Variants in CCDC30 observed in about 807,000 individuals in gnomAD.
The protein encoded by CCDC30 is coiled-coil domain containing 30, also known as coiled-coil domain-containing protein 30.
In CCDC30, 70 loss-of-function variants were observed where a neutral mutation model predicts 100.2. The observed-to-expected ratio is 0.70, with a 90% CI of 0.58 to 0.85. The LOEUF (loss-of-function observed/expected upper bound fraction) is 0.85, where lower values mean the gene tolerates loss of function less well. CCDC30 is among the 40% of genes least tolerant of loss of function. The pLI is 0.00. For synonymous variants in CCDC30, 233 were observed against 269.5 expected (o/e 0.86, Z 1.33); for missense variants, 652 against 771.2 (o/e 0.85, Z 1.83).
intron 1 of CCDC30, chr1:42,464,167 T>C (rs1643494606): frequency 6.6e-6 from 1 of 152,192 alleles, no homozygotes; most frequent in Non-Finnish European, 1.5e-5. Context: ...CTTTGCACTA[T>C]GGCAACCTTT....
chr1:42,501,747 C>T (rs1027936861), intron 6 of CCDC30, among the ~76,000 whole-genome samples: 4 of 152,106 alleles, frequency 2.6e-5, no homozygotes, highest in African/African-American at 9.7e-5. Context: ...CTGGGTATCA[C>T]CAGCAGAGGC....
chr1:42,540,804 G>A (rs745369993), intron 6 of CCDC30, among the ~76,000 whole-genome samples: 43 of 152,062 alleles, frequency 2.8e-4, no homozygotes, highest in Admixed American at 1.6e-3. Flanking sequence ...CACAGTACAA[G>A]TCTCAAAATC....
chr1:42,610,980 T>G (rs1434565901), exon 11 of CCDC30: 1 of 1,568,776 alleles, frequency 6.4e-7, no homozygotes, highest in Admixed American at 1.7e-5. Flanking sequence ...TTTTTCAGCA[T>G]GTCAAAAGCA....
At chr1:42,557,407 A>G (rs1645391161) in intron 6 of CCDC30, among the ~76,000 whole-genome samples, 1 of 152,092 alleles carries the variant, frequency 6.6e-6, no homozygotes, top group South Asian at 2.1e-4. Context: ...TTACAGCTCC[A>G]GATGGACATT....
At chr1:42,608,367 G>A (rs72959634) in intron 10 of CCDC30, among the ~76,000 whole-genome samples, 6,454 of 152,242 alleles carry the variant, frequency 0.042, 441 homozygotes, top group African/African-American at 0.14. Context: ...GCAAGTGACA[G>A]GCACGGACAT....
At chr1:42,479,140 C>T (rs1474852672) in intron 1 of CCDC30, among the ~76,000 whole-genome samples, 2 of 152,100 alleles carry the variant, frequency 1.3e-5, no homozygotes, top group East Asian at 3.9e-4. Context: ...CTTTGGGAGG[C>T]CGAGTTGGGC....
chr1:42,611,197 A>G (rs1353906568), intron 11 of CCDC30, 107 bp downstream of exon 15: 17 of 584,044 alleles, frequency 2.9e-5, no homozygotes, highest in Non-Finnish European at 5.1e-5. Context: ...GCAACCTTTC[A>G]AGAGGGCCAT....
In CCDC30 at chr1:42,498,697, A is replaced by G. The variant is rs555039488; in HGVS notation, c.358-121A>G. On this transcript the variant is annotated intron_variant, in intron 5 of 16. Transcript: ENST00000668663. ...ATACCATTTTTTATTCTGTATACCT[A>G]TGTGTTGAAGATTTACAAGGAGAAT... 6 of 428,988 alleles carry G rather than the reference A, an allele frequency of 1.4e-5. No homozygotes were observed. In the East Asian group the frequency reaches 2.2e-4, roughly 15 times the overall value. The allele number at this position is 428,988 out of a possible 1,614,324, so 26.6% of individuals were successfully genotyped here.
chr1:42,563,765 T>C (rs1645546826), intron 6 of CCDC30, among the ~76,000 whole-genome samples: 1 of 151,800 alleles, frequency 6.6e-6, no homozygotes, highest in African/African-American at 2.4e-5. Context: ...TAATCCCAGC[T>C]ACTCAAGAGG....
chr1:42,605,563 C>G (rs927767683), intron 10 of CCDC30, among the ~76,000 whole-genome samples: 1 of 152,166 alleles, frequency 6.6e-6, no homozygotes, highest in South Asian at 2.1e-4. Context: ...ACTGTAGCCT[C>G]AACTGCCTGG....
chr1:42,644,918 C>T, intron 14 of CCDC30, 111 bp downstream of exon 18: 3 of 693,254 alleles, frequency 4.3e-6, no homozygotes, highest in Non-Finnish European at 2.5e-6. Context: ...GGGCTCTTGG[C>T]CTCATGGTAG....
At chr1:42,485,153 C>G (rs1014086296) in intron 3 of CCDC30, among the ~76,000 whole-genome samples, 1 of 152,072 alleles carries the variant, frequency 6.6e-6, no homozygotes, top group Non-Finnish European at 1.5e-5. Flanking sequence ...ATACAGGTCT[C>G]TACCTTACAC....
At chr1:42,457,484 C>T in the CCDC30 span, 2 of 738,922 alleles carry the variant, frequency 2.7e-6, no homozygotes, top group Non-Finnish European at 4.7e-6. Context: ...TAAGACACCG[C>T]CCTCCCTCAT....
chr1:42,483,708 TTTTA>T (rs1644001756), intron 3 of CCDC30, among the ~76,000 whole-genome samples: 1 of 152,178 alleles, frequency 6.6e-6, no homozygotes, highest in African/African-American at 2.4e-5. Flanking sequence ...TATTTTTCTA[TTTTA>T]TTTATTTGTG....
chr1:42,572,629 A>ATTTTTTATTTTTTTTT, intron 7 of CCDC30, among the ~76,000 whole-genome samples: 1 of 152,116 alleles, frequency 6.6e-6, no homozygotes, highest in South Asian at 2.1e-4. Context: ...TTGCTTATTT[A>ATTTTTTATTTTTTTTT]TTTTTGAGAT....
chr1:42,606,946 T>C (rs930465948), intron 10 of CCDC30, among the ~76,000 whole-genome samples: 27 of 152,328 alleles, frequency 1.8e-4, no homozygotes, highest in African/African-American at 6.5e-4. Context: ...GTAAAAACCA[T>C]GCACTTTTTG....
intron 15 of CCDC30, among the ~76,000 whole-genome samples, chr1:42,650,212 G>A (rs1648211472): frequency 6.6e-6 from 1 of 152,152 alleles, no homozygotes; most frequent in South Asian, 2.1e-4. Flanking sequence ...GTTGGGCACG[G>A]TGGCTCAGGC....
intron 7 of CCDC30, among the ~76,000 whole-genome samples, chr1:42,567,187 G>T (rs552636622): frequency 6.6e-6 from 1 of 151,428 alleles, no homozygotes; most frequent in African/African-American, 2.4e-5. Flanking sequence ...TGGTGCAGGG[G>T]TCAGCAAACT....
intron 7 of CCDC30, among the ~76,000 whole-genome samples, chr1:42,574,984 A>T (rs1645803883): frequency 2.0e-5 from 3 of 152,184 alleles, no homozygotes; most frequent in Admixed American, 6.6e-5. Flanking sequence ...CTATCCTATG[A>T]GGTAAGTAGT....
Sources: gnomAD v4.1 joint callset for allele counts (sites outside exome capture counted in the v4.1 genomes callset) on GRCh38, gnomAD v4.1.1 for gene constraint, MANE v1.5 for transcripts, NCBI Gene and HGNC (gene_info 2026-07-23, HGNC 2026-07-21) for gene names.